NPAS1: variants seen among roughly 807,000 people sequenced by gnomAD.
NPAS1 encodes neuronal PAS domain-containing protein 1.
In NPAS1, 29 loss-of-function variants were observed where a neutral mutation model predicts 49.2. The ratio of observed to expected loss-of-function variants is 0.59; its 90% CI spans 0.44 to 0.80. The LOEUF is 0.80. Ranked by LOEUF, NPAS1 falls within the 30% of genes least tolerant of loss-of-function variation. The pLI is 0.00. For missense variants in NPAS1, 825 were observed against 835.5 expected (o/e 0.99, Z 0.15); for synonymous variants, 408 against 380.4 (o/e 1.07, Z -0.84).
rs2056838359 is a variant in NPAS1, at chr19:47,021,200, G to GT, written c.122+31_122+32insT. The GT allele has an allele frequency of 3.5e-6, 5 of 1,423,030 alleles. No individual in the cohort carries two copies. Among genetic ancestry groups the GT allele is most frequent in the Non-Finnish European group, 4.7e-6 (5 of 1,068,890 alleles). 88.2% of individuals were successfully genotyped at this position (1,423,030 alleles called of 1,614,324 possible). A position where few individuals can be genotyped will look rare whatever the true frequency, so the allele number is the denominator to read the frequency against. On this transcript the variant is annotated intron_variant, in intron 2 of 11. Transcript: ENST00000602212. This position sits in a 1 kb window ranked among gnomAD's most constrained non-coding sequence, Gnocchi z 5.7. ...CAAAGCCCCGCCCCCCTGGCCGCGG[G>GT]CCCCCCCCCGGGTCCAATTCACACC...
At chr19:47,042,562 A>T (rs2057032645) in intron 10 of NPAS1, among the ~76,000 whole-genome samples, 1 of 152,156 alleles carries the variant, frequency 6.6e-6, no homozygotes, top group African/African-American at 2.4e-5. Flanking sequence ...GTGCCAGAGG[A>T]CACCCAGGTG....
In NPAS1 at chr19:47,021,571, C is replaced by T. The variant is rs749903771; in HGVS notation, c.123-41C>T. The T allele has an allele frequency of 2.0e-5, 27 of 1,366,596 alleles. 1 individual carries two copies. The African/African-American group carries it at 3.1e-4, about 15-fold the overall frequency. The allele number at this position is 1,366,596 out of a possible 1,614,324, so 84.7% of individuals were successfully genotyped here. A position where few individuals can be genotyped will look rare whatever the true frequency, so the allele number is the denominator to read the frequency against. On this transcript the variant is annotated intron_variant, in intron 2 of 11. Transcript: ENST00000602212. This position sits in a 1 kb window ranked among gnomAD's most constrained non-coding sequence, Gnocchi z 5.7. ...GCCCCCAGTTCCCAAGCCCCTGAGC[C>T]CCGGGGCCCCGCCGACACCTCCTCC...
chr19:47,036,465 G>T (rs2056957464), intron 6 of NPAS1, among the ~76,000 whole-genome samples: 1 of 152,236 alleles, frequency 6.6e-6, no homozygotes, highest in Admixed American at 6.5e-5. Flanking sequence ...TTAGGGCCGG[G>T]CGCGGCGGCT....
chr19:47,040,590 C>G (rs746395258), intron 9 of NPAS1, 40 bp downstream of exon 9: 2 of 1,409,272 alleles, frequency 1.4e-6, no homozygotes, highest in Admixed American at 4.0e-5. Context: ...CCTACCACCC[C>G]CCAGACCCGA....
chr19:47,024,626 C>T (rs1325548885), intron 3 of NPAS1, among the ~76,000 whole-genome samples: 1 of 152,100 alleles, frequency 6.6e-6, no homozygotes, highest in African/African-American at 2.4e-5. Flanking sequence ...TGACCTTGCC[C>T]CAAAGGCCGC....
In NPAS1 at chr19:47,021,099, G is replaced by A; in HGVS notation, c.52G>A (p.Gly18Arg). 1.2e-6 allele frequency: 2 copies of A among 1,603,806 alleles called. No individual in the cohort carries two copies. The highest frequency in any genetic ancestry group is 2.7e-5 in the African/African-American group (2 of 73,820). The change falls in exon 2 of 12, where the codon GGA becomes AGA. Residue 18 changes from glycine to arginine, a missense_variant. Coordinates refer to ENST00000602212, the MANE Select transcript of NPAS1 (RefSeq NM_002517.4). The surrounding 1 kb of genome is among the most constrained non-coding windows in gnomAD (Gnocchi z 5.7). ...SGGGSEVKCV[G>R]GRGASVPWDF... ...CGGCGGAAGCGAGGTCAAATGCGTG[G>A]GAGGCCGCGGCGCCAGCGTCCCCTG... is the stretch of plus-strand genomic sequence containing the variant.
intron 5 of NPAS1, among the ~76,000 whole-genome samples, 177 bp downstream of exon 5, chr19:47,032,909 G>A (rs1445684095): frequency 6.6e-6 from 1 of 152,148 alleles, no homozygotes; most frequent in African/African-American, 2.4e-5. Context: ...GTTCATCCTT[G>A]AAGGCAGAGG....
chr19:47,041,823 T>G (rs1051234753), intron 10 of NPAS1, among the ~76,000 whole-genome samples: 6 of 146,782 alleles, frequency 4.1e-5, no homozygotes, highest in Non-Finnish European at 7.5e-5. Flanking sequence ...AAAAAAAAAT[T>G]TTTTTAATTG....
Position 47,045,577 on chromosome 19 carries a change from G to A in NPAS1, c.1699G>A (p.Glu567Lys). The A allele has an allele frequency of 6.7e-7, 1 of 1,490,026 alleles. No individual in the cohort carries two copies. Among genetic ancestry groups the A allele is most frequent in the Non-Finnish European group, 8.8e-7 (1 of 1,130,462 alleles). The allele number at this position is 1,490,026 out of a possible 1,614,324, so 92.3% of individuals were successfully genotyped here. A position where few individuals can be genotyped will look rare whatever the true frequency, so the allele number is the denominator to read the frequency against. The change falls in exon 12 of 12, where the codon GAG becomes AAG. Residue 567 changes from glutamate (E) to lysine (K), a missense_variant. Coordinates refer to ENST00000602212, the MANE Select transcript of NPAS1 (RefSeq NM_002517.4). ...QRLGPGPALP[E>K]AFYPPLGLPY... is the part of the protein sequence containing the mutation. ...GCTGGGTCCGGGCCCCGCGCTCCCG[G>A]AGGCCTTTTACCCGCCCCTGGGCCT...
intron 3 of NPAS1, among the ~76,000 whole-genome samples, chr19:47,031,282 T>G (rs892560496): frequency 1.3e-5 from 2 of 148,294 alleles, no homozygotes; most frequent in Non-Finnish European, 3.0e-5. Context: ...CACTGCAACC[T>G]CCGCTTCCCA....
In NPAS1 at chr19:47,021,797, T is replaced by TG; in HGVS notation, c.313dup (p.Ala105GlyfsTer193). ...CTCCGCCTGCGCCGGTTCGCCGCGCTGGGGGCGCCGCCCTGGGGGCTGAGA... is the reference window on the plus strand; with the variant it reads ...CTCCGCCTGCGCCGGTTCGCCGCGCTGGGGGGCGCCGCCCTGGGGGCTGAGA... On this transcript the variant is annotated frameshift_variant, in exon 3 of 12. Transcript: ENST00000602212. LOFTEE classifies it high-confidence loss of function. The surrounding 1 kb of genome is among the most constrained non-coding windows in gnomAD (Gnocchi z 5.7). 6.5e-7 allele frequency: 1 copy of TG among 1,529,822 alleles called. No individual in the cohort carries two copies. The highest frequency in any genetic ancestry group is 2.6e-5 in the East Asian group (1 of 38,964). 94.8% of individuals were successfully genotyped at this position (1,529,822 alleles called of 1,614,324 possible).
chr19:47,028,263 T>C (rs2056886317), intron 3 of NPAS1, among the ~76,000 whole-genome samples: 1 of 152,000 alleles, frequency 6.6e-6, no homozygotes, highest in African/African-American at 2.4e-5. Flanking sequence ...GGTTCCGAGC[T>C]GTATCTTGAG....
Position 47,030,422 on chromosome 19 carries a change from C to T in NPAS1, c.359-1856C>T, listed in dbSNP as rs556165599. Among the ~76,000 whole-genome samples, 5 of 152,254 alleles carry T rather than the reference C, an allele frequency of 3.3e-5. No individual in the cohort carries two copies. In the South Asian group the frequency reaches 8.3e-4, roughly 25 times the overall value. On this transcript the variant is annotated intron_variant, in intron 3 of 11. Transcript: ENST00000602212. Reference sequence around the variant, plus strand: ...CCTAGTGACTAATGATGTTGGGCATCTTTTCATGTGCTTATTGGCCATTTG... The same window carrying T: ...CCTAGTGACTAATGATGTTGGGCATTTTTTCATGTGCTTATTGGCCATTTG...
chr19:47,042,937 A>G (rs775593681), intron 11 of NPAS1, 33 bp downstream of exon 11: 2 of 1,493,116 alleles, frequency 1.3e-6, no homozygotes, highest in Non-Finnish European at 1.8e-6. Flanking sequence ...GCCCCTGGGA[A>G]GCTCCAAGGA....
In NPAS1 at chr19:47,045,563, GC is replaced by G; in HGVS notation, c.1689del (p.Ala564ArgfsTer?). 1 of 1,503,322 alleles carries G rather than the reference GC, an allele frequency of 6.7e-7. No homozygotes were observed. The highest frequency in any genetic ancestry group is 8.8e-7 in the Non-Finnish European group (1 of 1,136,230). 93.1% of individuals were successfully genotyped at this position (1,503,322 alleles called of 1,614,324 possible). On this transcript the variant is annotated frameshift_variant, in exon 12 of 12. Coordinates refer to ENST00000602212, the MANE Select transcript of NPAS1 (RefSeq NM_002517.4). LOFTEE classifies it high-confidence loss of function. ...VYPHLQRLGP[G>X]PALPEAFYPP... ...CCGCACCTGCAGAGGCTGGGTCCGG[GC>G]CCCGCGCTCCCGGAGGCCTTTTACC...
chr19:47,040,786 C>G (rs2057011678), intron 9 of NPAS1, 192 bp from the exon 10 acceptor site: 1 of 614,294 alleles, frequency 1.6e-6, no homozygotes, highest in African/African-American at 1.9e-5. Context: ...ACCCAAGAGG[C>G]CTCGCTGCTG....
rs2056837062 is a variant in NPAS1, at chr19:47,021,116, C to T, written c.69C>T (p.Ser23=). The T allele has an allele frequency of 1.2e-6, 2 of 1,601,986 alleles. No homozygotes were observed. The highest frequency in any genetic ancestry group is 1.7e-6 in the Non-Finnish European group (2 of 1,175,158). The change falls in exon 2 of 12, where the codon AGC becomes AGT. Residue 23 remains serine (S), a synonymous_variant. Transcript: ENST00000602212. The surrounding 1 kb of genome is among the most constrained non-coding windows in gnomAD (Gnocchi z 5.7). ...EVKCVGGRGA[S]VPWDFLPGLM... ...AATGCGTGGGAGGCCGCGGCGCCAG[C>T]GTCCCCTGGGACTTTCTACCCGGGC...
chr19:47,040,831 G>C (rs923517771), intron 9 of NPAS1, 147 bp from the exon 10 acceptor site: 3 of 715,530 alleles, frequency 4.2e-6, no homozygotes, highest in East Asian at 2.9e-5. Flanking sequence ...CTGCCTCTCT[G>C]TGCTTTCACC....
chr19:47,033,890 C>T (rs1248592553), intron 5 of NPAS1, among the ~76,000 whole-genome samples: 1 of 139,914 alleles, frequency 7.1e-6, no homozygotes. Flanking sequence ...ATGGGAGGAT[C>T]GCTTGAGCCC....
Sources: gnomAD v4.1 joint callset for allele counts (sites outside exome capture counted in the v4.1 genomes callset) on GRCh38, gnomAD v4.1.1 for gene constraint, Gnocchi (gnomAD v3.1) non-coding constraint, MANE v1.5 for transcripts, NCBI Gene and HGNC (gene_info 2026-07-23, HGNC 2026-07-21) for gene names.